The following DMD variants were observed in gnomAD, a reference collection of about 807,000 sequenced individuals.
The protein encoded by DMD is mutant dystrophin.
DMD carries 63 observed loss-of-function variants against 330.1 expected under a neutral mutation model. The observed-to-expected ratio is 0.19, with a 90% CI of 0.16 to 0.24. The LOEUF (loss-of-function observed/expected upper bound fraction) is 0.24. Ranked by LOEUF, DMD falls within the 10% of genes least tolerant of loss-of-function variation. The pLI is 1.00. For missense variants in DMD, 3,344 were observed against 2,684.1 expected (o/e 1.25, Z -5.43); for synonymous variants, 1,223 against 959.8 (o/e 1.27, Z -5.07).
intron 62 of DMD, among the ~76,000 whole-genome samples, chrX:31,272,166 T>C (rs1435018434): frequency 9.0e-6 from 1 of 111,657 alleles, no homozygotes. Flanking sequence ...ACAGTTTTCT[T>C]TTAATAAGAT....
chrX:33,040,256 T>TC (rs1399589553), intron 1 of DMD, among the ~76,000 whole-genome samples: 1 of 110,711 alleles, frequency 9.0e-6, no homozygotes, highest in African/African-American at 3.3e-5. Flanking sequence ...CAGACCCTCC[T>TC]CTTCTAAAAG....
At chrX:33,107,643 C>A (rs188225997) in intron 1 of DMD, among the ~76,000 whole-genome samples, 11 of 111,101 alleles carry the variant, frequency 9.9e-5, no homozygotes, top group African/African-American at 3.3e-4. Context: ...TGCAAAAAAG[C>A]AAACTTGCAT....
At chrX:31,365,703 T>C (rs1339963032) in intron 60 of DMD, among the ~76,000 whole-genome samples, 2 of 112,524 alleles carry the variant, frequency 1.8e-5, no homozygotes, top group Non-Finnish European at 3.7e-5. Context: ...TTACTCCGTC[T>C]AGAAGAAGGT....
At chrX:32,720,187 A>T (rs2066142109) in intron 7 of DMD, among the ~76,000 whole-genome samples, 1 of 110,783 alleles carries the variant, frequency 9.0e-6, no homozygotes. Flanking sequence ...GTCTACCACA[A>T]TTCTTTATTG....
intron 13 of DMD, among the ~76,000 whole-genome samples, chrX:32,574,821 G>A (rs1289051637): frequency 9.1e-6 from 1 of 110,486 alleles, no homozygotes; most frequent in Non-Finnish European, 1.9e-5. Flanking sequence ...CTACATATGT[G>A]TATTAACCCA....
chrX:32,843,330 CAT>C (rs2080341415), intron 4 of DMD, among the ~76,000 whole-genome samples: 1 of 112,151 alleles, frequency 8.9e-6, no homozygotes, highest in African/African-American at 3.2e-5. Flanking sequence ...TAACAATTCT[CAT>C]AATGTCAATG....
At chrX:32,918,470 C>A (rs1190733360) in intron 2 of DMD, among the ~76,000 whole-genome samples, 1 of 110,947 alleles carries the variant, frequency 9.0e-6, no homozygotes, top group Non-Finnish European at 1.9e-5. Context: ...CCCACCTCAG[C>A]CTCCCAAGTA....
chrX:32,189,917 A>G (rs2096965342), intron 44 of DMD, among the ~76,000 whole-genome samples: 1 of 111,122 alleles, frequency 9.0e-6, no homozygotes, highest in Non-Finnish European at 1.9e-5. Context: ...TCTAGGGTAC[A>G]TGTGCACAAC....
At chrX:32,573,363 T>G (rs1425052545) in intron 15 of DMD, among the ~76,000 whole-genome samples, 167 bp downstream of exon 15, 1 of 111,861 alleles carries the variant, frequency 8.9e-6, no homozygotes, top group African/African-American at 3.2e-5. Context: ...CACCTATAGT[T>G]TTTTCCCACT....
intron 7 of DMD, among the ~76,000 whole-genome samples, chrX:32,795,213 CAA>C (rs2148655989): frequency 8.9e-6 from 1 of 112,112 alleles, no homozygotes; most frequent in African/African-American, 3.2e-5. Context: ...GCAAAAAGAA[CAA>C]AGACTTATGA....
At chrX:32,540,476 T>C (rs1273760105) in intron 17 of DMD, among the ~76,000 whole-genome samples, 2 of 111,715 alleles carry the variant, frequency 1.8e-5, no homozygotes, top group Non-Finnish European at 3.8e-5. Flanking sequence ...ATGGGTAAAA[T>C]TGGAATTATT....
chrX:33,285,414 TAGAA>T (rs762677637), intron 1 of DMD, among the ~76,000 whole-genome samples: 1 of 111,905 alleles, frequency 8.9e-6, no homozygotes, highest in Non-Finnish European at 1.9e-5. Flanking sequence ...AGTAACATGA[TAGAA>T]AGAAACATAC....
chrX:32,653,562 C>T (rs981375273), intron 9 of DMD, among the ~76,000 whole-genome samples: 1 of 111,654 alleles, frequency 9.0e-6, no homozygotes, highest in African/African-American at 3.3e-5. Context: ...TTACTGTAGC[C>T]TTGTAGTATA....
At chrX:32,066,681 T>A (rs768324580) in intron 44 of DMD, among the ~76,000 whole-genome samples, 2 of 111,295 alleles carry the variant, frequency 1.8e-5, no homozygotes, top group Non-Finnish European at 3.8e-5. Flanking sequence ...TATCATTAAG[T>A]CCCCTATATA....
At chrX:31,690,787 C>T (rs2083060877) in intron 52 of DMD, among the ~76,000 whole-genome samples, 1 of 111,587 alleles carries the variant, frequency 9.0e-6, no homozygotes, top group African/African-American at 3.3e-5. Flanking sequence ...ACTATGCAAC[C>T]ATAAAAAAGG....
intron 65 of DMD, among the ~76,000 whole-genome samples, chrX:31,208,899 A>C (rs1194784199): frequency 9.0e-6 from 1 of 111,614 alleles, no homozygotes; most frequent in Non-Finnish European, 1.9e-5. Context: ...TGCAATCCAA[A>C]ACAAACAATT....
chrX:33,272,930 T>C lies in DMD; in HGVS notation c.7+66329A>G, dbSNP rs138114721. Among the ~76,000 whole-genome samples, 644 of 111,986 alleles carry C rather than the reference T, an allele frequency of 5.8e-3. 3 individuals carry two copies. The highest frequency in any genetic ancestry group is 0.02 in the African/African-American group (625 of 30,859). On this transcript the variant is annotated intron_variant, in intron 1 of 17. Coordinates refer to the DMD transcript ENST00000288447. ...AAATAATTTAAAAAAAAACAGTGGA[T>C]TTTAATCACCATGAGGGTAAAAATA...
intron 47 of DMD, 76 bp from the exon 48 acceptor site, chrX:31,875,449 A>G (rs2093954198): frequency 1.2e-6 from 1 of 813,429 alleles, no homozygotes; most frequent in Non-Finnish European, 1.8e-6. Flanking sequence ...TATATTTTCA[A>G]AAGTTATTTA....
At chrX:32,936,233 T>C (rs2090012119) in intron 2 of DMD, among the ~76,000 whole-genome samples, 1 of 109,671 alleles carries the variant, frequency 9.1e-6, no homozygotes, top group Non-Finnish European at 1.9e-5. Context: ...TGCCTCAGAC[T>C]CCGGAGTAGC....
Sources: allele counts gnomAD v4.1 joint callset (sites outside exome capture counted in the v4.1 genomes callset), GRCh38; gene constraint gnomAD v4.1.1; transcripts MANE v1.5; gene names NCBI Gene and HGNC (gene_info 2026-07-23, HGNC 2026-07-21).